The following SPOCK1 variants were observed in gnomAD, a reference collection of about 807,000 sequenced individuals.
The protein encoded by SPOCK1 is testican-1.
SPOCK1 carries 23 observed loss-of-function variants against 55.3 expected under a neutral mutation model. The ratio of observed to expected loss-of-function variants is 0.42; its 90% CI spans 0.30 to 0.59. SPOCK1 has a LOEUF of 0.59. Among genes scored for constraint, SPOCK1 ranks in the 20% least tolerant of loss-of-function variants. The probability of loss-of-function intolerance (pLI) is 0.22; values close to 1 mark genes in which losing one functional copy is unlikely to be tolerated. For synonymous variants in SPOCK1, 226 were observed against 221.0 expected (o/e 1.02, Z -0.20); for missense variants, 499 against 552.5 (o/e 0.90, Z 0.97).
At chr5:137,083,053 G>C (rs1752900875) in intron 5 of SPOCK1, among the ~76,000 whole-genome samples, 1 of 152,106 alleles carries the variant, frequency 6.6e-6, no homozygotes, top group African/African-American at 2.4e-5. Context: ...GCTCTGAGGG[G>C]GGACCCTGTG....
At chr5:137,307,398 C>T (rs149748107) in intron 2 of SPOCK1, among the ~76,000 whole-genome samples, 188 of 152,330 alleles carry the variant, frequency 1.2e-3, no homozygotes, top group African/African-American at 4.1e-3. Context: ...AGAAAAAACA[C>T]GGCCCCACCA....
chr5:137,497,461 A>G (rs1476084107), intron 2 of SPOCK1, among the ~76,000 whole-genome samples: 1 of 152,182 alleles, frequency 6.6e-6, no homozygotes, highest in Non-Finnish European at 1.5e-5. Context: ...AAAACATGGT[A>G]CTCCCAAGTC....
intron 2 of SPOCK1, among the ~76,000 whole-genome samples, chr5:137,270,281 G>T (rs1756936902): frequency 1.3e-5 from 2 of 152,196 alleles, no homozygotes; most frequent in South Asian, 4.1e-4. Flanking sequence ...TAATGATAAA[G>T]CTTTTTTAAA....
intron 3 of SPOCK1, among the ~76,000 whole-genome samples, chr5:137,187,749 A>T (rs1279611189): frequency 6.6e-6 from 1 of 152,164 alleles, no homozygotes; most frequent in African/African-American, 2.4e-5. Context: ...TAATAGGAGA[A>T]ATCTGTGTAT....
intron 2 of SPOCK1, among the ~76,000 whole-genome samples, chr5:137,420,881 G>A (rs1265771696): frequency 6.6e-6 from 1 of 152,066 alleles, no homozygotes; most frequent in Non-Finnish European, 1.5e-5. Context: ...TCTTTTAATT[G>A]TGATGTCAGG....
At chr5:137,093,419 T>C (rs935991231) in intron 5 of SPOCK1, among the ~76,000 whole-genome samples, 6 of 152,256 alleles carry the variant, frequency 3.9e-5, no homozygotes, top group African/African-American at 1.2e-4. Flanking sequence ...TAATTTTTTA[T>C]TCACAGTGTT....
At chr5:137,381,740 C>T (rs1032181758) in intron 2 of SPOCK1, among the ~76,000 whole-genome samples, 4 of 152,330 alleles carry the variant, frequency 2.6e-5, no homozygotes, top group Middle Eastern at 3.4e-3. Context: ...CCCACAAAAT[C>T]ATTTTTTCCT....
chr5:137,161,011 T>G (rs1368306055), intron 3 of SPOCK1, among the ~76,000 whole-genome samples: 23 of 40,654 alleles, frequency 5.7e-4, no homozygotes, highest in South Asian at 8.6e-4. Flanking sequence ...CTGTGAGATA[T>G]ATATATATAT....
intron 5 of SPOCK1, among the ~76,000 whole-genome samples, chr5:137,084,336 G>A (rs760468533): frequency 2.6e-4 from 39 of 152,158 alleles, no homozygotes; most frequent in East Asian, 1.9e-4. Context: ...AGAAGCTGCA[G>A]AGTGGTGTGG....
chr5:137,067,572 G>A (rs1473203364), intron 6 of SPOCK1, 143 bp downstream of exon 6: 4 of 627,150 alleles, frequency 6.4e-6, no homozygotes, highest in East Asian at 5.6e-5. Flanking sequence ...TCGGTTTAGG[G>A]TCCCTAAATC....
intron 3 of SPOCK1, among the ~76,000 whole-genome samples, chr5:137,193,128 G>A (rs1755218020): frequency 6.6e-6 from 1 of 152,186 alleles, no homozygotes; most frequent in Admixed American, 6.5e-5. Context: ...AGACTCTGGA[G>A]GGGAAGGGGA....
At chr5:137,370,901 T>A (rs1751187553) in intron 2 of SPOCK1, among the ~76,000 whole-genome samples, 1 of 152,154 alleles carries the variant, frequency 6.6e-6, no homozygotes, top group Non-Finnish European at 1.5e-5. Context: ...ATGCATCGTA[T>A]AAAATCTGCC....
intron 2 of SPOCK1, among the ~76,000 whole-genome samples, chr5:137,369,942 C>G (rs1038746637): frequency 1.3e-5 from 2 of 152,210 alleles, no homozygotes; most frequent in African/African-American, 4.8e-5. Context: ...AACAAAGGAA[C>G]TTCGGAGGAA....
chr5:137,070,306 A>G lies in SPOCK1; in HGVS notation c.475-2477T>C, dbSNP rs150592774. On this transcript the variant is annotated intron_variant, in intron 5 of 10. Transcript: ENST00000394945. ...AAATAGGGTTTATCATAATAAGCCA[A>G]TGATGTTTGGGGATTATTTGTTATT... Among the ~76,000 whole-genome samples, 397 of 152,372 alleles carry G rather than the reference A, an allele frequency of 2.6e-3. 2 individuals carry two copies. The highest frequency in any genetic ancestry group is 0.02 in the Middle Eastern group (6 of 294).
Position 136,994,341 on chromosome 5 carries a change from G to A in SPOCK1, c.590-1741C>T, listed in dbSNP as rs115885549. Among the ~76,000 whole-genome samples the A allele has an allele frequency of 9.0e-3, 1,374 of 152,252 alleles. 10 individuals carry two copies. The highest frequency in any genetic ancestry group is 0.075 in the Middle Eastern group (22 of 294). On this transcript the variant is annotated intron_variant, in intron 6 of 10. Coordinates refer to ENST00000394945, the MANE Select transcript of SPOCK1 (RefSeq NM_004598.4). Reference sequence around the variant, plus strand: ...AGCAAAGAATAACTTCTCAGGAGTCGCGCTGGCTGGAATGAATCCCAGCTT... The same window carrying A: ...AGCAAAGAATAACTTCTCAGGAGTCACGCTGGCTGGAATGAATCCCAGCTT...
chr5:136,978,920 A>C (rs1022351967), intron 10 of SPOCK1, 76 bp from the exon 11 acceptor site: 5 of 1,457,804 alleles, frequency 3.4e-6, no homozygotes, highest in Middle Eastern at 2.3e-4. Context: ...CCTTTGCCTG[A>C]ATTGTAGGGT....
At chr5:137,004,016 C>A (rs1381017138) in intron 6 of SPOCK1, among the ~76,000 whole-genome samples, 2 of 152,110 alleles carry the variant, frequency 1.3e-5, no homozygotes, top group African/African-American at 2.4e-5. Context: ...CCCCACTACT[C>A]CACCATTGCC....
chr5:137,235,566 G>C (rs1756163803), intron 3 of SPOCK1, among the ~76,000 whole-genome samples: 1 of 152,224 alleles, frequency 6.6e-6, no homozygotes, highest in Non-Finnish European at 1.5e-5. Context: ...CCTACGTTTG[G>C]AGGTATGTAT....
At chr5:137,146,483 C>CCCAAGGTTCA (rs1466675192) in intron 3 of SPOCK1, among the ~76,000 whole-genome samples, 1 of 152,164 alleles carries the variant, frequency 6.6e-6, no homozygotes, top group African/African-American at 2.4e-5. Context: ...GTCATGCGAT[C>CCCAAGGTTCA]CCAAGGTTCA....
Sources: gnomAD v4.1 joint callset for allele counts (sites outside exome capture counted in the v4.1 genomes callset) on GRCh38, gnomAD v4.1.1 for gene constraint, MANE v1.5 for transcripts, NCBI Gene and HGNC (gene_info 2026-07-23, HGNC 2026-07-21) for gene names.